The following CNTN4 variants were observed in gnomAD, a reference collection of about 807,000 sequenced individuals.
CNTN4 encodes contactin 4, also known as contactin-4.
A neutral mutation model predicts 122.5 loss-of-function variants in CNTN4; 77 were observed. The observed-to-expected ratio is 0.63, with a 90% confidence interval of 0.52 to 0.76. The LOEUF is 0.76. CNTN4 is among the 30% of genes least tolerant of loss of function. The pLI, the probability that CNTN4 is intolerant of heterozygous loss-of-function variation, is 0.00. For missense variants in CNTN4, 1,256 were observed against 1,259.1 expected, an observed-to-expected ratio of 1.00 and a Z score of 0.04; for synonymous variants, 512 against 447.0, an observed-to-expected ratio of 1.15 and a Z score of -1.83.
chr3:2,857,074 G>T (rs2093625754), intron 7 of CNTN4, among the ~76,000 whole-genome samples: 1 of 152,182 alleles, frequency 6.6e-6, no homozygotes, highest in Non-Finnish European at 1.5e-5. Context: ...ACAGGACTTG[G>T]ATGCTGATTT....
intron 6 of CNTN4, among the ~76,000 whole-genome samples, chr3:2,811,102 T>G (rs1345856421): frequency 6.6e-6 from 1 of 152,076 alleles, no homozygotes; most frequent in Non-Finnish European, 1.5e-5. Flanking sequence ...TTAGGAATAT[T>G]AGACCTAGCA....
In CNTN4 at chr3:2,162,458, A is replaced by C. The variant is rs571064695; in HGVS notation, c.-145+61819A>C. 1.8e-4 allele frequency among the ~76,000 whole-genome samples: 27 copies of C among 152,250 alleles called. No individual in the cohort carries two copies. The East Asian group carries it at 3.5e-3, about 20-fold the overall frequency. ...TTTGAGATCTTTATTTCTCCCAGCT[A>C]CCTATCAAATAATATAGGAGGGAAA... On this transcript the variant is annotated intron_variant, in intron 2 of 24. Coordinates refer to ENST00000418658, the MANE Select transcript of CNTN4 (RefSeq NM_175607.3).
intron 3 of CNTN4, among the ~76,000 whole-genome samples, chr3:2,383,736 T>TCTCTCTTCTCCCTCTC (rs370889239): frequency 3.4e-5 from 5 of 148,176 alleles, no homozygotes; most frequent in Admixed American, 1.3e-4. Context: ...CTCTCCCTCT[T>TCTCTCTTCTCCCTCTC]CTCTCTTCTC....
At chr3:2,142,480 C>T (rs1458614092) in intron 2 of CNTN4, among the ~76,000 whole-genome samples, 3 of 152,076 alleles carry the variant, frequency 2.0e-5, no homozygotes, top group African/African-American at 7.2e-5. Context: ...TCTCCTGCCT[C>T]AGCCTCCCCA....
chr3:2,557,750 CA>C (rs1161308559), intron 3 of CNTN4, among the ~76,000 whole-genome samples: 2,957 of 105,914 alleles, frequency 0.028, 30 homozygotes, highest in Middle Eastern at 0.056. Flanking sequence ...GATTCTGTCT[CA>C]AAAAAAAAAA....
At chr3:2,859,592 T>A (rs894887769) in intron 7 of CNTN4, among the ~76,000 whole-genome samples, 3 of 151,794 alleles carry the variant, frequency 2.0e-5, no homozygotes, top group African/African-American at 7.3e-5. Context: ...GTTTACTGAC[T>A]CCAGATCTAG....
At chr3:2,851,860 A>T (rs1449394586) in intron 7 of CNTN4, among the ~76,000 whole-genome samples, 1 of 152,242 alleles carries the variant, frequency 6.6e-6, no homozygotes, top group Non-Finnish European at 1.5e-5. Flanking sequence ...AGAAGAAGAA[A>T]AAATAATAAA....
intron 12 of CNTN4, among the ~76,000 whole-genome samples, chr3:2,906,369 G>A (rs533795085): frequency 2.1e-4 from 32 of 152,066 alleles, no homozygotes; most frequent in African/African-American, 7.7e-4. Flanking sequence ...ATTATATAAG[G>A]TAATTTATGT....
intron 17 of CNTN4, 151 bp from the exon 18 acceptor site, chr3:3,037,028 C>A: frequency 2.2e-6 from 2 of 891,100 alleles, no homozygotes; most frequent in Non-Finnish European, 3.7e-6. Context: ...CTCACTGAAA[C>A]AACTGTTGAT....
At chr3:2,787,651 T>G (rs954359010) in intron 6 of CNTN4, among the ~76,000 whole-genome samples, 1 of 152,208 alleles carries the variant, frequency 6.6e-6, no homozygotes, top group Non-Finnish European at 1.5e-5. Context: ...TTAACCACAG[T>G]CACGTTATTT....
intron 3 of CNTN4, among the ~76,000 whole-genome samples, chr3:2,446,136 C>T (rs1306124915): frequency 6.6e-6 from 1 of 152,154 alleles, no homozygotes; most frequent in Non-Finnish European, 1.5e-5. Flanking sequence ...CTCAGAGATA[C>T]AAATTTCAAA....
chr3:2,419,136 A>AGTG (rs1488770583), intron 3 of CNTN4, among the ~76,000 whole-genome samples: 1 of 152,182 alleles, frequency 6.6e-6, no homozygotes. Flanking sequence ...AGAAAATATA[A>AGTG]GTGGCTTTGA....
At chr3:2,192,245 A>C (rs556539538) in intron 2 of CNTN4, among the ~76,000 whole-genome samples, 4 of 152,184 alleles carry the variant, frequency 2.6e-5, no homozygotes, top group Admixed American at 6.5e-5. Context: ...GTGTATACCC[A>C]TTAATGGGAT....
At chr3:2,625,017 C>G (rs1354543125) in intron 4 of CNTN4, among the ~76,000 whole-genome samples, 3 of 152,092 alleles carry the variant, frequency 2.0e-5, no homozygotes, top group Non-Finnish European at 2.9e-5. Flanking sequence ...TCAGTTTACT[C>G]ATAATGTGAG....
intron 4 of CNTN4, among the ~76,000 whole-genome samples, chr3:2,575,384 G>A (rs1018544048): frequency 9.2e-5 from 14 of 152,080 alleles, no homozygotes; most frequent in African/African-American, 2.9e-4. Context: ...GGTGGTGCAC[G>A]TCTATAATGT....
chr3:2,728,339 G>C (rs943812894), intron 4 of CNTN4, among the ~76,000 whole-genome samples: 3 of 152,174 alleles, frequency 2.0e-5, no homozygotes, highest in African/African-American at 7.2e-5. Flanking sequence ...AGGAAGCCTG[G>C]AGGAGAAGGT....
intron 6 of CNTN4, among the ~76,000 whole-genome samples, chr3:2,799,176 G>C (rs1576836927): frequency 1.3e-5 from 2 of 152,068 alleles, no homozygotes; most frequent in African/African-American, 4.8e-5. Flanking sequence ...TTGCCTTTTA[G>C]TAGGGTTATA....
At position 3,037,285 on chromosome 3, in the gene CNTN4, G is replaced by A. The variant is rs1699693055; in HGVS notation, c.2049G>A (p.Gly683=). ...RTVAANVIGI[G]EPSRPSEKRR... Reference sequence around the variant, plus strand: ...TTGCAGCCAACGTGATTGGGATTGGGGAGCCCAGCCGCCCCTCAGAGAAAC... The same window carrying A: ...TTGCAGCCAACGTGATTGGGATTGGAGAGCCCAGCCGCCCCTCAGAGAAAC... The change falls in exon 18 of 25, where the codon GGG becomes GGA. Residue 683 remains glycine (G), a synonymous_variant. Coordinates refer to ENST00000418658, the MANE Select transcript of CNTN4 (RefSeq NM_175607.3). 1 of 1,614,190 alleles carries A rather than the reference G, an allele frequency of 6.2e-7. No individual in the cohort carries two copies. Among genetic ancestry groups the A allele is most frequent in the East Asian group, 2.2e-5 (1 of 44,884 alleles).
intron 7 of CNTN4, chr3:2,866,385 AC>A (rs1401966836): frequency 2.3e-6 from 2 of 868,230 alleles, no homozygotes; most frequent in Non-Finnish European, 2.9e-6. Context: ...TTCCAGCATT[AC>A]TATATCAAGA....
Sources: allele counts gnomAD v4.1 joint callset (sites outside exome capture counted in the v4.1 genomes callset), GRCh38; gene constraint gnomAD v4.1.1; transcripts MANE v1.5; gene names NCBI Gene and HGNC (gene_info 2026-07-23, HGNC 2026-07-21).